Variants in SLC71A1 observed in about 807,000 individuals in gnomAD.
The protein encoded by SLC71A1 is solute carrier family 71 member 1.
At chr1:100,069,014 G>T in the SLC71A1 span, among the ~76,000 whole-genome samples, 1 of 151,896 alleles carries the variant, frequency 6.6e-6, no homozygotes, top group Non-Finnish European at 1.5e-5. Flanking sequence ...TAAATAAAAA[G>T]AATATTATTT....
At chr1:100,072,288 C>T in the SLC71A1 span, among the ~76,000 whole-genome samples, 2 of 152,228 alleles carry the variant, frequency 1.3e-5, no homozygotes, top group Admixed American at 1.3e-4. Flanking sequence ...TGCATGTTTG[C>T]TTTATTTCTT....
the SLC71A1 span, among the ~76,000 whole-genome samples, chr1:100,040,940 C>G: frequency 6.6e-6 from 1 of 152,110 alleles, no homozygotes; most frequent in African/African-American, 2.4e-5. Context: ...GCTCTATGGT[C>G]GGTACATGAC....
the SLC71A1 span, among the ~76,000 whole-genome samples, chr1:100,074,973 T>C: frequency 1.9e-4 from 29 of 152,274 alleles, no homozygotes; most frequent in African/African-American, 6.5e-4. Flanking sequence ...AAGCCTTTTT[T>C]ATTGAATTGG....
At chr1:100,055,867 C>G in the SLC71A1 span, among the ~76,000 whole-genome samples, 5 of 152,150 alleles carry the variant, frequency 3.3e-5, no homozygotes, top group Non-Finnish European at 7.3e-5. Context: ...ATTCTCCTGC[C>G]TCAGCCTCCC....
the SLC71A1 span, among the ~76,000 whole-genome samples, chr1:100,041,388 C>T: frequency 2.7e-3 from 407 of 152,250 alleles, 1 homozygote; most frequent in Non-Finnish European, 5.0e-3. Context: ...TAACCTGGGT[C>T]TGTTCACCCT....
At chr1:100,056,009 C>A in the SLC71A1 span, among the ~76,000 whole-genome samples, 3 of 152,180 alleles carry the variant, frequency 2.0e-5, no homozygotes, top group African/African-American at 7.2e-5. Context: ...CCTCAGCCTC[C>A]CAAGGTGCTG....
chr1:100,056,470 G>A, the SLC71A1 span, among the ~76,000 whole-genome samples: 2 of 152,262 alleles, frequency 1.3e-5, no homozygotes, highest in East Asian at 3.9e-4. Flanking sequence ...AATTAGCCAG[G>A]CATGGTGGTG....
chr1:100,052,424 CTTTTTTTT>C, the SLC71A1 span, among the ~76,000 whole-genome samples: 2 of 119,654 alleles, frequency 1.7e-5, no homozygotes, highest in African/African-American at 7.3e-5. Context: ...TAATATATTC[CTTTTTTTT>C]TTTTTTTTTT....
At chr1:100,066,609 C>A in the SLC71A1 span, among the ~76,000 whole-genome samples, 1 of 152,192 alleles carries the variant, frequency 6.6e-6, no homozygotes, top group African/African-American at 2.4e-5. Flanking sequence ...AGACACCCCT[C>A]CCCTAAGGAC....
the SLC71A1 span, among the ~76,000 whole-genome samples, chr1:100,065,676 C>T: frequency 6.7e-6 from 1 of 148,516 alleles, no homozygotes; most frequent in Non-Finnish European, 1.5e-5. Flanking sequence ...TTTCCCTTCC[C>T]CTTTCCCCTT....
the SLC71A1 span, among the ~76,000 whole-genome samples, chr1:100,046,680 T>G: frequency 3.3e-5 from 5 of 152,364 alleles, no homozygotes; most frequent in Admixed American, 6.5e-5. Flanking sequence ...TTTGGTAGTA[T>G]TAAAATTTTA....
chr1:100,058,947 C>T, the SLC71A1 span, among the ~76,000 whole-genome samples: 1 of 151,950 alleles, frequency 6.6e-6, no homozygotes. Context: ...TATAGCCAAT[C>T]ATGCATAATA....
the SLC71A1 span, chr1:100,043,156 A>G: frequency 1.0e-5 from 10 of 981,880 alleles, no homozygotes; most frequent in African/African-American, 1.7e-4. Flanking sequence ...AAATTCTCCT[A>G]CAGTTGAAAT....
At chr1:100,051,458 G>GTTT in the SLC71A1 span, among the ~76,000 whole-genome samples, 2 of 134,014 alleles carry the variant, frequency 1.5e-5, no homozygotes, top group Non-Finnish European at 3.3e-5. Context: ...ATATCAGAGG[G>GTTT]TTTTTTTTTT....
At chr1:100,078,747 A>G in the SLC71A1 span, 1 of 487,240 alleles carries the variant, frequency 2.1e-6, no homozygotes, top group African/African-American at 2.0e-5. Flanking sequence ...CACTTAGAAT[A>G]TGTGGCTTAT....
chr1:100,050,766 G>A, the SLC71A1 span, among the ~76,000 whole-genome samples: 1 of 152,136 alleles, frequency 6.6e-6, no homozygotes, highest in African/African-American at 2.4e-5. Context: ...TATATTTATT[G>A]ACAGCTGTGT....
At chr1:100,044,978 A>C in the SLC71A1 span, among the ~76,000 whole-genome samples, 673 of 152,106 alleles carry the variant, frequency 4.4e-3, 5 homozygotes, top group African/African-American at 0.015. Flanking sequence ...TGCTTTGGCT[A>C]TGTGGGCTCT....
the SLC71A1 span, among the ~76,000 whole-genome samples, chr1:100,071,175 A>C: frequency 6.6e-5 from 10 of 151,196 alleles, no homozygotes; most frequent in East Asian, 5.9e-4. Context: ...TTTTGAGGCC[A>C]GGTGCGGTGG....
At chr1:100,054,290 T>G in the SLC71A1 span, among the ~76,000 whole-genome samples, 3 of 152,078 alleles carry the variant, frequency 2.0e-5, no homozygotes, top group Non-Finnish European at 4.4e-5. Context: ...CTCGGCTCAC[T>G]GCAACCTTCG....
Sources: allele counts gnomAD v4.1 joint callset (sites outside exome capture counted in the v4.1 genomes callset), GRCh38; gene constraint gnomAD v4.1.1; transcripts MANE v1.5; gene names NCBI Gene and HGNC (gene_info 2026-07-23, HGNC 2026-07-21).